The following PLEKHA4 variants were observed in gnomAD, a reference collection of about 807,000 sequenced individuals.
PLEKHA4 encodes the protein pleckstrin homology domain containing A4.
PLEKHA4 carries 73 observed loss-of-function variants against 94.7 expected under a neutral mutation model. That is an observed-to-expected ratio of 0.77 (90% CI 0.64 to 0.94). The LOEUF (loss-of-function observed/expected upper bound fraction) is 0.94, where lower values mean the gene tolerates loss of function less well. Among genes scored for constraint, PLEKHA4 ranks in the 40% least tolerant of loss-of-function variants. PLEKHA4 has a pLI of 0.00. For missense variants in PLEKHA4, 1,049 were observed against 1,054.1 expected (o/e 1.00, Z 0.07); for synonymous variants, 449 against 437.1 (o/e 1.03, Z -0.34).
At chr19:48,862,614 T>C (rs1347574421) in intron 3 of PLEKHA4, among the ~76,000 whole-genome samples, 2 of 152,038 alleles carry the variant, frequency 1.3e-5, no homozygotes, top group Non-Finnish European at 2.9e-5. Context: ...GTTCACGCCA[T>C]TCTCCTGCCC....
At position 48,859,580 on chromosome 19, in the gene PLEKHA4, G is replaced by A. The variant is rs780282132; in HGVS notation, c.581C>T (p.Ser194Leu). The A allele has an allele frequency of 8.7e-6, 14 of 1,613,882 alleles. No individual in the cohort carries two copies. Among genetic ancestry groups the A allele is most frequent in the Non-Finnish European group, 1.2e-5 (14 of 1,180,040 alleles). ...TCTGGAGAGTCGAGTCACTTCCGGT[G>A]ATTCTGAGATGCGCCCCTCTTCCCC... ...SRGEEGRISE[S>L]PEVTRLSRGR... The change falls in exon 7 of 20, where the codon TCA becomes TTA. Residue 194 changes from serine (S) to leucine (L), a missense_variant. Physicochemically the swap from Ser to Leu is moderately radical, Grantham distance 145. Coordinates refer to ENST00000263265, the MANE Select transcript of PLEKHA4 (RefSeq NM_020904.3).
intron 18 of PLEKHA4, 40 bp from the exon 19 acceptor site, chr19:48,838,169 T>C: frequency 1.8e-6 from 1 of 549,746 alleles, no homozygotes. Flanking sequence ...GGTGTGTACA[T>C]GGGGGAGAGG....
Position 48,861,634 on chromosome 19 carries a change from AG to A in PLEKHA4, c.250del (p.Leu84SerfsTer13). ...RRWFVLSGHC[L>X]FYYKDSREES... ...CAGCCACTGACCCTTGTAATAAAAG[AG>A]GCAATGGCCGGAGAGGACGAACCAG... is the stretch of plus-strand genomic sequence containing the variant. On this transcript the variant is annotated frameshift_variant, in exon 4 of 20. Coordinates refer to ENST00000263265, the MANE Select transcript of PLEKHA4 (RefSeq NM_020904.3). LOFTEE classifies it high-confidence loss of function. The A allele has an allele frequency of 6.2e-7, 1 of 1,614,222 alleles. No individual in the cohort carries two copies.
chr19:48,867,465 T>G lies in PLEKHA4; in HGVS notation c.84+72A>C, dbSNP rs1020534289. On this transcript the variant is annotated intron_variant, in intron 2 of 19. Coordinates refer to ENST00000263265, the MANE Select transcript of PLEKHA4 (RefSeq NM_020904.3). The surrounding 1 kb of genome is among the most constrained non-coding windows in gnomAD (Gnocchi z 4.7). ...GGATCTTTGTCCTTAACAACCAGAGTCCTTGGGGAAACAGAAGGATGGGCG... is the reference window on the plus strand; with the variant it reads ...GGATCTTTGTCCTTAACAACCAGAGGCCTTGGGGAAACAGAAGGATGGGCG... The G allele has an allele frequency of 1.3e-6, 2 of 1,502,192 alleles. No individual in the cohort carries two copies. The highest frequency in any genetic ancestry group is 1.8e-6 in the Non-Finnish European group (2 of 1,107,948). The allele number at this position is 1,502,192 out of a possible 1,614,324, so 93.1% of individuals were successfully genotyped here. A position where few individuals can be genotyped will look rare whatever the true frequency, so the allele number is the denominator to read the frequency against.
At position 48,867,685 on chromosome 19, in the gene PLEKHA4, G is replaced by C. The variant is rs562074646; in HGVS notation, c.-6-59C>G. On this transcript the variant is annotated intron_variant, in intron 1 of 19. Coordinates refer to ENST00000263265, the MANE Select transcript of PLEKHA4 (RefSeq NM_020904.3). The surrounding 1 kb of genome is among the most constrained non-coding windows in gnomAD (Gnocchi z 4.7). ...CAGTGACGGGTGTGAGACAGAGATGGGGTCAGGGGCTTGGAGGTCGGAGGA... is the reference window on the plus strand; with the variant it reads ...CAGTGACGGGTGTGAGACAGAGATGCGGTCAGGGGCTTGGAGGTCGGAGGA... 2.7e-6 allele frequency: 4 copies of C among 1,483,282 alleles called. No individual in the cohort carries two copies. In the South Asian group the frequency reaches 3.6e-5, roughly 13 times the overall value. The allele number at this position is 1,483,282 out of a possible 1,614,324, so 91.9% of individuals were successfully genotyped here.
In PLEKHA4 at chr19:48,841,328, G is replaced by A. The variant is rs773438779; in HGVS notation, c.1744-18C>T. 4.4e-5 allele frequency: 70 copies of A among 1,588,788 alleles called. No individual in the cohort carries two copies. In the South Asian group the frequency reaches 6.0e-4, roughly 14 times the overall value. On this transcript the variant is annotated intron_variant, in intron 16 of 19. Coordinates refer to ENST00000263265, the MANE Select transcript of PLEKHA4 (RefSeq NM_020904.3). ...ACCGGGGCCTAGGGAGGCGAGAAAC[G>A]TCCCAAGACCCAACCTTTAGGCCAG...
rs1491338352 is a variant in PLEKHA4, at chr19:48,856,930, A to AAAG, written c.1047+491_1047+492insCTT. Among the ~76,000 whole-genome samples the AAAG allele has an allele frequency of 1.2e-3, 153 of 130,842 alleles. 2 individuals carry two copies. The highest frequency in any genetic ancestry group is 5.1e-3 in the African/African-American group (144 of 28,100). 85.8% of individuals were successfully genotyped at this position (130,842 alleles called of 152,430 possible). ...AAAAAAAAAAAAGAAAGAAAGAAAG[A>AAAG]AAAGAAAAGAAAAAGAAAGAGAAAG... is the stretch of plus-strand genomic sequence containing the variant. On this transcript the variant is annotated intron_variant, in intron 9 of 19. Coordinates refer to ENST00000263265, the MANE Select transcript of PLEKHA4 (RefSeq NM_020904.3).
At chr19:48,857,070 A>G (rs535474955) in intron 9 of PLEKHA4, among the ~76,000 whole-genome samples, 15 of 152,150 alleles carry the variant, frequency 9.9e-5, no homozygotes, top group African/African-American at 3.4e-4. Context: ...TCATGGGATG[A>G]TGGAGGCAAA....
intron 2 of PLEKHA4, among the ~76,000 whole-genome samples, chr19:48,865,908 G>A (rs2036816656): frequency 1.3e-5 from 2 of 151,828 alleles, no homozygotes; most frequent in African/African-American, 2.4e-5. Flanking sequence ...CAGCTACTCG[G>A]GAGGCTGAGG....
At chr19:48,863,056 CAT>C (rs1174942552) in intron 3 of PLEKHA4, among the ~76,000 whole-genome samples, 26 of 151,882 alleles carry the variant, frequency 1.7e-4, no homozygotes, top group African/African-American at 6.1e-4. Flanking sequence ...CTGAACTACT[CAT>C]CGCCTCTGCC....
Position 48,865,514 on chromosome 19 carries a change from G to A in PLEKHA4, c.181C>T (p.Leu61Phe), listed in dbSNP as rs2036798034. The change falls in exon 3 of 20, where the codon CTT becomes TTT. Residue 61 changes from leucine (L) to phenylalanine (F), a missense_variant. Leu to Phe is a conservative substitution (Grantham distance 22). Transcript: ENST00000263265. ...CCTACTGACCCCACCTGCTTATGAA[G>A]CCAGCCTCGGATGTGCACGGGAAGG... is the stretch of plus-strand genomic sequence containing the variant. Reference protein sequence around the residue: ...PNLPVHIRGWLHKQDSSGLRL... With the variant: ...PNLPVHIRGWFHKQDSSGLRL... 1 of 1,613,644 alleles carries A rather than the reference G, an allele frequency of 6.2e-7. No homozygotes were observed. The highest frequency in any genetic ancestry group is 1.3e-5 in the African/African-American group (1 of 74,890).
rs181313721 is a variant in PLEKHA4 at position 48,845,208 on chromosome 19, T to C, written c.1743+162A>G. 211 of 686,846 alleles carry C rather than the reference T, an allele frequency of 3.1e-4. 1 individual carries two copies. Among genetic ancestry groups the C allele is most frequent in the Admixed American group, 1.2e-3 (43 of 34,546 alleles). 42.5% of individuals were successfully genotyped at this position (686,846 alleles called of 1,614,324 possible). A position where few individuals can be genotyped will look rare whatever the true frequency, so the allele number is the denominator to read the frequency against. On this transcript the variant is annotated intron_variant, in intron 16 of 19. Transcript: ENST00000263265. ...AATAACTGACCCAAAGTCACACAGCTTAGAAGCGACAGAGACAAAAATCAA... is the reference window on the plus strand; with the variant it reads ...AATAACTGACCCAAAGTCACACAGCCTAGAAGCGACAGAGACAAAAATCAA...
rs1017472118 is a variant in PLEKHA4 at position 48,837,922 on chromosome 19, C to T, written c.2077+95G>A. 2 of 1,022,816 alleles carry T rather than the reference C, an allele frequency of 2.0e-6. No individual in the cohort carries two copies. Among genetic ancestry groups the T allele is most frequent in the Non-Finnish European group, 2.9e-6 (2 of 680,402 alleles). 63.4% of individuals were successfully genotyped at this position (1,022,816 alleles called of 1,614,324 possible). A position where few individuals can be genotyped will look rare whatever the true frequency, so the allele number is the denominator to read the frequency against. On this transcript the variant is annotated intron_variant, in intron 19 of 19. Coordinates refer to ENST00000263265, the MANE Select transcript of PLEKHA4 (RefSeq NM_020904.3). The surrounding 1 kb of genome is among the most constrained non-coding windows in gnomAD (Gnocchi z 4.3). ...ACTCACCAAGATAAAAAATTCTCAC[C>T]GGCCCCCAGACCCCTCCTCTCCAGG... is the stretch of plus-strand genomic sequence containing the variant.
At chr19:48,858,730 G>C in intron 8 of PLEKHA4, 130 bp downstream of exon 8, 1 of 1,051,018 alleles carries the variant, frequency 9.5e-7, no homozygotes. Context: ...TCTCTCACCT[G>C]AGCCCAGCTG....
chr19:48,866,672 T>C (rs2036846494), intron 2 of PLEKHA4, among the ~76,000 whole-genome samples: 1 of 151,902 alleles, frequency 6.6e-6, no homozygotes, highest in South Asian at 2.1e-4. Flanking sequence ...AGGGAAGCAA[T>C]TTGGGGATCA....
Position 48,857,627 on chromosome 19 carries a change from G to A in PLEKHA4, c.973-131C>T, listed in dbSNP as rs923801101. 9.6e-6 allele frequency: 6 copies of A among 622,756 alleles called. No individual in the cohort carries two copies. The African/African-American group carries it at 1.2e-4, about 12-fold the overall frequency. The allele number at this position is 622,756 out of a possible 1,614,324, so 38.6% of individuals were successfully genotyped here. A position where few individuals can be genotyped will look rare whatever the true frequency, so the allele number is the denominator to read the frequency against. On this transcript the variant is annotated intron_variant, in intron 8 of 19. Coordinates refer to ENST00000263265, the MANE Select transcript of PLEKHA4 (RefSeq NM_020904.3). ...TCTATGACCTTACCCCCAACCCTGT[G>A]CTCTCTGAAACATGTGCTGTGTCCA...
chr19:48,848,328 T>C (rs1457120549), intron 13 of PLEKHA4, among the ~76,000 whole-genome samples: 2 of 147,138 alleles, frequency 1.4e-5, no homozygotes, highest in Non-Finnish European at 3.0e-5. Context: ...CTACTAAAAA[T>C]ACAAAAAATT....
At position 48,837,531 on chromosome 19, in the gene PLEKHA4, C is replaced by T. The variant is rs765682810; in HGVS notation, c.2098G>A (p.Gly700Arg). The T allele has an allele frequency of 6.2e-7, 1 of 1,613,540 alleles. No individual in the cohort carries two copies. The highest frequency in any genetic ancestry group is 8.5e-7 in the Non-Finnish European group (1 of 1,179,802). ...AGCGGCACACCGGGAAGAGGGTCTC[C>T]CTGGGAGTCCAAATTTCCACCTGGA... is the stretch of plus-strand genomic sequence containing the variant. ...MMTGGNLDSQ[G>R]DPLPGVPLPP... The change falls in exon 20 of 20, where the codon GGA (glycine) becomes AGA (arginine). Residue 700 changes from glycine to arginine, a missense_variant. Gly to Arg is a moderately radical substitution (Grantham distance 125). Coordinates refer to ENST00000263265, the MANE Select transcript of PLEKHA4 (RefSeq NM_020904.3). This position sits in a 1 kb window ranked among gnomAD's most constrained non-coding sequence, Gnocchi z 4.3.
chr19:48,865,634 T>TGAACAGG (rs1346175956), intron 2 of PLEKHA4, 24 bp from the exon 3 acceptor site: 4 of 1,538,400 alleles, frequency 2.6e-6, no homozygotes, highest in Non-Finnish European at 3.6e-6. Flanking sequence ...GGGACAGAAG[T>TGAACAGG]GAACAGGGAG....
Sources: gnomAD v4.1 joint callset for allele counts (sites outside exome capture counted in the v4.1 genomes callset) on GRCh38, gnomAD v4.1.1 for gene constraint, Gnocchi (gnomAD v3.1) non-coding constraint, MANE v1.5 for transcripts, NCBI Gene and HGNC (gene_info 2026-07-23, HGNC 2026-07-21) for gene names.